Variants in FRS2 observed in about 807,000 individuals in gnomAD.
The protein encoded by FRS2 is FGFR signalling adaptor.
In FRS2, 8 loss-of-function variants were observed where a neutral mutation model predicts 43.9. That is an observed-to-expected ratio of 0.18 (90% CI 0.11 to 0.33). FRS2 has a LOEUF of 0.33. Ranked by LOEUF, FRS2 falls within the 10% of genes least tolerant of loss-of-function variation. The pLI is 1.00. For synonymous variants in FRS2, 219 were observed against 220.3 expected (o/e 0.99, Z 0.05); for missense variants, 534 against 627.6 (o/e 0.85, Z 1.59).
chr12:69,573,193 A>G (rs911070800), intron 8 of FRS2, among the ~76,000 whole-genome samples: 1 of 152,208 alleles, frequency 6.6e-6, no homozygotes, highest in Non-Finnish European at 1.5e-5. Flanking sequence ...AATAGTGATA[A>G]TTTCTTACTT....
In FRS2 at chr12:69,574,205, A is replaced by G. The variant is rs556571868; in HGVS notation, c.777A>G (p.Gln259=). The change falls in exon 9 of 9, where the codon CAA becomes CAG. Residue 259 remains glutamine, a synonymous_variant. Transcript: ENST00000549921. ...VKFVLGPTPV[Q]KQLMEKEKLE... ...TTGTTTTAGGGCCAACCCCTGTTCA[A>G]AAGCAGTTAATGGAAAAAGAGAAAC... 2 of 1,614,240 alleles carry G rather than the reference A, an allele frequency of 1.2e-6. No individual in the cohort carries two copies.
chr12:69,490,463 T>C (rs1382092213), intron 1 of FRS2, among the ~76,000 whole-genome samples: 2 of 151,550 alleles, frequency 1.3e-5, no homozygotes, highest in African/African-American at 2.4e-5. Flanking sequence ...TTGAAACTTT[T>C]GCCCAAGTTT....
At chr12:69,474,426 GAA>G (rs34089605) in intron 1 of FRS2, among the ~76,000 whole-genome samples, 1 of 149,216 alleles carries the variant, frequency 6.7e-6, no homozygotes, top group Non-Finnish European at 1.5e-5. Context: ...AGAGGGGAAA[GAA>G]AAAAAAAACT....
In FRS2 at chr12:69,562,982, C is replaced by T. The variant is rs902688601; in HGVS notation, c.-27+708C>T. Among the ~76,000 whole-genome samples, 3 of 152,154 alleles carry T rather than the reference C, an allele frequency of 2.0e-5. No homozygotes were observed. The East Asian group carries it at 5.8e-4, about 29-fold the overall frequency. On this transcript the variant is annotated intron_variant, in intron 4 of 8. Transcript: ENST00000549921. ...TGCTGGGATTACAGGTGTGAGCCAC[C>T]ACACCCGGCCTACCTTTTGTTCTTA...
chr12:69,484,272 G>A lies in FRS2; in HGVS notation c.-261+13742G>A, dbSNP rs551759699. 3.9e-5 allele frequency among the ~76,000 whole-genome samples: 6 copies of A among 152,110 alleles called. No homozygotes were observed. In the East Asian group the frequency reaches 9.7e-4, roughly 25 times the overall value. ...GCTAATTTTTTGTATTTTTAGTAGAGGTGGGGTTTCACCATGTTAGCCAGG... is the reference window on the plus strand; with the variant it reads ...GCTAATTTTTTGTATTTTTAGTAGAAGTGGGGTTTCACCATGTTAGCCAGG... On this transcript the variant is annotated intron_variant, in intron 1 of 8. Coordinates refer to ENST00000549921, the MANE Select transcript of FRS2 (RefSeq NM_001278356.2).
At chr12:69,479,670 A>T (rs923377548) in intron 1 of FRS2, among the ~76,000 whole-genome samples, 2 of 152,100 alleles carry the variant, frequency 1.3e-5, no homozygotes, top group Non-Finnish European at 2.9e-5. Flanking sequence ...TGCTGGGATT[A>T]CAGGTGCAAG....
At chr12:69,542,041 A>G (rs1206510446) in intron 3 of FRS2, among the ~76,000 whole-genome samples, 1 of 152,128 alleles carries the variant, frequency 6.6e-6, no homozygotes, top group Admixed American at 6.5e-5. Context: ...TGATTTTATT[A>G]TCTTTTTATT....
At chr12:69,532,421 A>G (rs1876894697) in intron 3 of FRS2, among the ~76,000 whole-genome samples, 1 of 152,168 alleles carries the variant, frequency 6.6e-6, no homozygotes, top group African/African-American at 2.4e-5. Flanking sequence ...TAGAGGGTTC[A>G]TAGGAGCTCT....
At chr12:69,489,264 G>T (rs1033915858) in intron 1 of FRS2, among the ~76,000 whole-genome samples, 4 of 152,142 alleles carry the variant, frequency 2.6e-5, no homozygotes, top group African/African-American at 9.7e-5. Context: ...AGTGTTTGGG[G>T]TAGAGTTCTG....
Position 69,532,030 on chromosome 12 carries a change from G to C in FRS2, c.-148G>C, listed in dbSNP as rs1173979230. The C allele has an allele frequency of 6.6e-6, 1 of 152,464 alleles. No individual in the cohort carries two copies. Among genetic ancestry groups the C allele is most frequent in the Admixed American group, 6.6e-5 (1 of 15,260 alleles). 9.4% of individuals were successfully genotyped at this position (152,464 alleles called of 1,614,324 possible). A position where few individuals can be genotyped will look rare whatever the true frequency, so the allele number is the denominator to read the frequency against. ...TTTTTTTAGGAACAAAATTGTATCT[G>C]TTTTTCTCAGAAGAGAATTCCACAA... is the stretch of plus-strand genomic sequence containing the variant. On this transcript the variant is annotated 5_prime_UTR_variant, in exon 3 of 9. Coordinates refer to ENST00000549921, the MANE Select transcript of FRS2 (RefSeq NM_001278356.2).
intron 1 of FRS2, among the ~76,000 whole-genome samples, chr12:69,521,966 C>T (rs1434436289): frequency 6.6e-6 from 1 of 152,144 alleles, no homozygotes; most frequent in Non-Finnish European, 1.5e-5. Flanking sequence ...AGAGCCTTTT[C>T]TGCGTCTATT....
chr12:69,531,765 A>G (rs567594337), intron 2 of FRS2, among the ~76,000 whole-genome samples: 15 of 152,354 alleles, frequency 9.8e-5, no homozygotes, highest in Non-Finnish European at 1.5e-5. Context: ...GCCACATATC[A>G]TCAGGTACCT....
intron 1 of FRS2, among the ~76,000 whole-genome samples, chr12:69,494,069 T>C (rs150062799): frequency 1.3e-5 from 2 of 152,318 alleles, no homozygotes; most frequent in Admixed American, 1.3e-4. Context: ...GGGCAAGAAT[T>C]ATGTTTTCTT....
At chr12:69,514,484 A>T (rs1002831590) in intron 1 of FRS2, among the ~76,000 whole-genome samples, 2 of 152,186 alleles carry the variant, frequency 1.3e-5, no homozygotes, top group African/African-American at 4.8e-5. Flanking sequence ...TTGGCAAAAC[A>T]TGTATCCTAG....
Position 69,571,413 on chromosome 12 carries a change from A to G in FRS2, c.391A>G (p.Arg131Gly), listed in dbSNP as rs752313198. The change falls in exon 7 of 9, where the codon AGA becomes GGA. Residue 131 changes from arginine (R) to glycine (G), a missense_variant. By Grantham distance (125) the Arg-to-Gly change is moderately radical. This residue lies in a region of FRS2 where 446 missense variants were observed against 494.2 expected (regional missense o/e 0.90). Coordinates refer to ENST00000549921, the MANE Select transcript of FRS2 (RefSeq NM_001278356.2). ...TCATCAGACAGAATTGGAAGTCCCT[A>G]GAACACCTCGAACACCTACAAGTAA... ...NNHQTELEVPRTPRTPTTPGF... is the reference protein window; with the variant it reads ...NNHQTELEVPGTPRTPTTPGF... 1.2e-6 allele frequency: 2 copies of G among 1,612,942 alleles called. No individual in the cohort carries two copies. Among genetic ancestry groups the G allele is most frequent in the South Asian group, 1.1e-5 (1 of 90,970 alleles).
chr12:69,511,396 C>T (rs1040431305), intron 1 of FRS2, among the ~76,000 whole-genome samples: 8 of 152,178 alleles, frequency 5.3e-5, no homozygotes, highest in Admixed American at 3.3e-4. Context: ...AATGTGTGCA[C>T]ACTCTTTGAC....
At chr12:69,470,786 G>A (rs999432578) in intron 1 of FRS2, among the ~76,000 whole-genome samples, 1 of 152,090 alleles carries the variant, frequency 6.6e-6, no homozygotes, top group East Asian at 1.9e-4. Context: ...CGAGAGTGGG[G>A]ATGGGCTGGG....
At chr12:69,545,755 CAAA>C (rs60460901) in intron 3 of FRS2, among the ~76,000 whole-genome samples, 48 of 80,418 alleles carry the variant, frequency 6.0e-4, no homozygotes, top group South Asian at 2.3e-3. Flanking sequence ...GACCCTGTCT[CAAA>C]AAAAAAAAAA....
chr12:69,480,034 A>T lies in FRS2; in HGVS notation c.-261+9504A>T, dbSNP rs541080231. 2.0e-5 allele frequency among the ~76,000 whole-genome samples: 3 copies of T among 151,398 alleles called. No individual in the cohort carries two copies. In the South Asian group the frequency reaches 6.2e-4, roughly 32 times the overall value. ...CTGGATACTTTTCTTGAAGTTAGCT[A>T]CTTCTCTCTTCAGCTGTGTTCAACC... is the stretch of plus-strand genomic sequence containing the variant. On this transcript the variant is annotated intron_variant, in intron 1 of 8. Coordinates refer to ENST00000549921, the MANE Select transcript of FRS2 (RefSeq NM_001278356.2).
Sources: allele counts gnomAD v4.1 joint callset (sites outside exome capture counted in the v4.1 genomes callset), GRCh38; gene constraint gnomAD v4.1.1; regional missense constraint gnomAD v4.1.1; transcripts MANE v1.5; gene names NCBI Gene and HGNC (gene_info 2026-07-23, HGNC 2026-07-21).